Variants in CDH13 observed in about 807,000 individuals in gnomAD.
The protein encoded by CDH13 is cadherin 13, also known as cadherin-13.
A neutral mutation model predicts 63.8 loss-of-function variants in CDH13; 24 were observed. The ratio of observed to expected loss-of-function variants is 0.38; its 90% CI spans 0.27 to 0.53. The LOEUF is 0.53. CDH13 is among the 20% of genes least tolerant of loss of function. The pLI is 0.85. For synonymous variants in CDH13, 503 were observed against 355.3 expected (o/e 1.42, Z -4.67); for missense variants, 1,049 against 903.1 (o/e 1.16, Z -2.07).
intron 1 of CDH13, among the ~76,000 whole-genome samples, chr16:82,846,247 C>A (rs2039249984): frequency 6.6e-6 from 1 of 152,120 alleles, no homozygotes; most frequent in Non-Finnish European, 1.5e-5. Flanking sequence ...GACATGGTCC[C>A]AGTCCTTATT....
chr16:83,422,457 T>C (rs958334488), intron 6 of CDH13, among the ~76,000 whole-genome samples: 1 of 152,190 alleles, frequency 6.6e-6, no homozygotes, highest in Non-Finnish European at 1.5e-5. Context: ...TTTGAGATAA[T>C]GAATCATCTG....
intron 11 of CDH13, among the ~76,000 whole-genome samples, chr16:83,749,174 G>A (rs1912864380): frequency 6.6e-6 from 1 of 152,146 alleles, no homozygotes; most frequent in African/African-American, 2.4e-5. Context: ...TAAAGATTCA[G>A]TTTTGAGTCC....
At chr16:82,963,832 C>G (rs1907403980) in intron 2 of CDH13, among the ~76,000 whole-genome samples, 1 of 152,188 alleles carries the variant, frequency 6.6e-6, no homozygotes, top group African/African-American at 2.4e-5. Context: ...TGCCTGACTT[C>G]TGAAGCCCTC....
intron 1 of CDH13, among the ~76,000 whole-genome samples, chr16:82,755,094 A>G (rs1202405404): frequency 6.6e-6 from 1 of 152,208 alleles, no homozygotes; most frequent in Non-Finnish European, 1.5e-5. Flanking sequence ...ATGTACACAC[A>G]TTGGCATGGG....
chr16:83,008,234 A>G (rs1913749162), intron 2 of CDH13, among the ~76,000 whole-genome samples: 1 of 152,234 alleles, frequency 6.6e-6, no homozygotes, highest in Admixed American at 6.5e-5. Flanking sequence ...AAGGAGAAAA[A>G]AAATAGCAGA....
At chr16:82,825,154 A>G (rs1408314493) in intron 1 of CDH13, 1 of 152,164 alleles carries the variant, frequency 6.6e-6, no homozygotes, top group African/African-American at 2.4e-5. Flanking sequence ...AATACTAAAA[A>G]TTTAGCCAAA....
chr16:83,620,632 G>A (rs943534186), intron 8 of CDH13, among the ~76,000 whole-genome samples: 6 of 152,176 alleles, frequency 3.9e-5, no homozygotes, highest in Admixed American at 2.0e-4. Flanking sequence ...CCTTCCACAC[G>A]CCACATGCTC....
chr16:82,874,502 C>T (rs1218842590), intron 2 of CDH13, among the ~76,000 whole-genome samples: 2 of 151,692 alleles, frequency 1.3e-5, no homozygotes, highest in Non-Finnish European at 2.9e-5. Context: ...CATTTGAAGC[C>T]AAAACGATTG....
At chr16:83,193,197 G>A (rs898367660) in intron 4 of CDH13, among the ~76,000 whole-genome samples, 15 of 151,836 alleles carry the variant, frequency 9.9e-5, no homozygotes, top group African/African-American at 3.6e-4. Context: ...CAGCTATGTG[G>A]CTTCTAGATA....
intron 8 of CDH13, among the ~76,000 whole-genome samples, chr16:83,610,158 A>T (rs1010502632): frequency 1.3e-5 from 2 of 152,106 alleles, no homozygotes; most frequent in African/African-American, 4.8e-5. Context: ...GGCTATTGTG[A>T]GTAACGCTGC....
chr16:83,525,780 A>G (rs1443414937), intron 7 of CDH13, among the ~76,000 whole-genome samples: 1 of 152,220 alleles, frequency 6.6e-6, no homozygotes, highest in Admixed American at 6.5e-5. Flanking sequence ...CCTTAAAATG[A>G]AAGAATTTTT....
intron 5 of CDH13, among the ~76,000 whole-genome samples, chr16:83,342,913 A>G (rs751865392): frequency 1.0e-4 from 15 of 143,964 alleles, no homozygotes; most frequent in Non-Finnish European, 2.3e-4. Context: ...AAGATGAAAA[A>G]CCAGACCTAT....
intron 4 of CDH13, among the ~76,000 whole-genome samples, chr16:83,184,109 CACACACACACACACACAT>C (rs1275133215): frequency 1.4e-5 from 2 of 147,028 alleles, no homozygotes; most frequent in African/African-American, 2.6e-5. Context: ...CACACACACA[CACACACACACACACACAT>C]ACACACACAC....
chr16:83,204,477 A>G (rs2039124007), intron 4 of CDH13, among the ~76,000 whole-genome samples: 3 of 152,164 alleles, frequency 2.0e-5, no homozygotes, highest in Admixed American at 6.5e-5. Flanking sequence ...ATATTTATGT[A>G]CCTAAGCATT....
rs529719153 is a variant in CDH13 at position 83,646,020 on chromosome 16, G to T, written c.1102-24770G>T. On this transcript the variant is annotated intron_variant, in intron 8 of 13. Transcript: ENST00000567109. ...GTAGGTTTGCTCCACATCCAGCCTC[G>T]CCCCGTTGGGAGAAGCCTTGGAGCT... 2.0e-5 allele frequency among the ~76,000 whole-genome samples: 3 copies of T among 152,108 alleles called. No individual in the cohort carries two copies. The South Asian group carries it at 6.2e-4, about 32-fold the overall frequency.
intron 7 of CDH13, among the ~76,000 whole-genome samples, chr16:83,522,745 C>T (rs961310225): frequency 1.3e-5 from 2 of 152,186 alleles, no homozygotes; most frequent in Admixed American, 6.5e-5. Flanking sequence ...TGACAGGTGG[C>T]ATCAGACTGG....
intron 6 of CDH13, among the ~76,000 whole-genome samples, chr16:83,455,567 G>C (rs189816372): frequency 2.1e-4 from 32 of 152,250 alleles, no homozygotes; most frequent in Middle Eastern, 3.4e-3. Context: ...ATTGCTACAC[G>C]TGGCTCCTTC....
chr16:83,614,922 C>T (rs1199852572), intron 8 of CDH13, among the ~76,000 whole-genome samples: 1 of 152,150 alleles, frequency 6.6e-6, no homozygotes, highest in Non-Finnish European at 1.5e-5. Flanking sequence ...GAAGTGTCTC[C>T]TACTTGATGA....
chr16:83,680,058 T>A (rs553536152), intron 10 of CDH13, among the ~76,000 whole-genome samples: 36 of 152,288 alleles, frequency 2.4e-4, no homozygotes, highest in African/African-American at 7.7e-4. Flanking sequence ...AGAAAGAACG[T>A]GCTGGAGGAC....
Sources: allele counts gnomAD v4.1 joint callset (sites outside exome capture counted in the v4.1 genomes callset), GRCh38; gene constraint gnomAD v4.1.1; transcripts MANE v1.5; gene names NCBI Gene and HGNC (gene_info 2026-07-23, HGNC 2026-07-21).